Variants in GNPDA2 observed in about 807,000 individuals in gnomAD.
GNPDA2 encodes glcN6P deaminase 2.
GNPDA2 carries 24 observed loss-of-function variants against 27.0 expected under a neutral mutation model. That is an observed-to-expected ratio of 0.89 (90% CI 0.64 to 1.25). The LOEUF is 1.25. GNPDA2 is among the 50% of genes most tolerant of loss of function. The probability of loss-of-function intolerance (pLI) is 0.00; values close to 1 mark genes in which losing one functional copy is unlikely to be tolerated. For synonymous variants in GNPDA2, 94 were observed against 108.4 expected (o/e 0.87, Z 0.83); for missense variants, 286 against 335.1 (o/e 0.85, Z 1.14).
chr4:44,707,480 A>G (rs1716677615), intron 6 of GNPDA2: 2 of 437,160 alleles, frequency 4.6e-6, no homozygotes, highest in Non-Finnish European at 4.0e-6. Flanking sequence ...TGTATATTCA[A>G]TATGAAAGTA....
Position 44,702,973 on chromosome 4 carries a change from CA to C in GNPDA2, c.*107del. 6.5e-7 allele frequency: 1 copy of C among 1,547,204 alleles called. No individual in the cohort carries two copies. Among genetic ancestry groups the C allele is most frequent in the Non-Finnish European group, 8.7e-7 (1 of 1,155,886 alleles). On this transcript the variant is annotated 3_prime_UTR_variant, in exon 7 of 7. Coordinates refer to ENST00000295448, the MANE Select transcript of GNPDA2 (RefSeq NM_138335.3). ...CATAGAGACTCGAATGAAAAAATGA[CA>C]ATCTTCAAAATTCCCCATGTTTTGT...
intron 5 of GNPDA2, 31 bp downstream of exon 5, chr4:44,710,917 TGAAAA>T (rs1179371246): frequency 2.6e-5 from 38 of 1,458,298 alleles, no homozygotes; most frequent in Non-Finnish European, 3.4e-5. Flanking sequence ...TATATTAACA[TGAAAA>T]GAAAGACAGC....
intron 2 of GNPDA2, 37 bp downstream of exon 2, chr4:44,722,044 GATA>G: frequency 1.4e-6 from 2 of 1,413,268 alleles, no homozygotes; most frequent in Non-Finnish European, 2.0e-6. Context: ...ATTAAATTTA[GATA>G]ATATCAGAAT....
At position 44,707,866 on chromosome 4, in the gene GNPDA2, C is replaced by T; in HGVS notation, c.655G>A (p.Gly219Arg). 1 of 1,613,180 alleles carries T rather than the reference C, an allele frequency of 6.2e-7. No individual in the cohort carries two copies. Among genetic ancestry groups the T allele is most frequent in the Non-Finnish European group, 8.5e-7 (1 of 1,179,386 alleles). ...AFALYKAIEE[G>R]VNHMWTVSAF... The stretch of plus-strand genomic sequence containing the variant: ...GAAACAGTCCACATGTGATTGACTC[C>T]TTCTTCTATTGCTTTGTACAGGGCA... The change falls in exon 6 of 7, where the codon GGA becomes AGA. Residue 219 changes from glycine (G) to arginine (R), a missense_variant. Transcript: ENST00000295448.
chr4:44,706,227 T>C (rs1478901437), intron 6 of GNPDA2: 1 of 151,828 alleles, frequency 6.6e-6, no homozygotes, highest in East Asian at 1.9e-4. Flanking sequence ...TTTTTCAGTT[T>C]TTCAGTTTTT....
In GNPDA2 at chr4:44,702,267, C is replaced by A. The variant is rs1354341976; in HGVS notation, c.*814G>T. 4 of 613,072 alleles carry A rather than the reference C, an allele frequency of 6.5e-6. No individual in the cohort carries two copies. The highest frequency in any genetic ancestry group is 2.0e-5 in the African/African-American group (1 of 50,038). The allele number at this position is 613,072 out of a possible 1,614,324, so 38.0% of individuals were successfully genotyped here. ...CCTTTTATATATACTTCGTATTATT[C>A]TTTTAGACATTTTATAAGGAATAAA... On this transcript the variant is annotated 3_prime_UTR_variant, in exon 7 of 7. Coordinates refer to ENST00000295448, the MANE Select transcript of GNPDA2 (RefSeq NM_138335.3).
chr4:44,708,901 AC>A lies in GNPDA2; in HGVS notation c.595-976del, dbSNP rs1716789493. On this transcript the variant is annotated intron_variant, in intron 5 of 6. Coordinates refer to ENST00000295448, the MANE Select transcript of GNPDA2 (RefSeq NM_138335.3). ...CTCAAAACACCACCATGAGAGAAATACTATTCTTACTCATATTTTAAAGATA... is the reference window on the plus strand; with the variant it reads ...CTCAAAACACCACCATGAGAGAAATATATTCTTACTCATATTTTAAAGATA... 2.0e-5 allele frequency among the ~76,000 whole-genome samples: 3 copies of A among 152,110 alleles called. No individual in the cohort carries two copies. In the South Asian group the frequency reaches 6.2e-4, roughly 31 times the overall value.
rs1416050547 is a variant in GNPDA2 at position 44,702,296 on chromosome 4, AATTGTAT to A, written c.*778_*784del. 1 of 644,662 alleles carries A rather than the reference AATTGTAT, an allele frequency of 1.6e-6. No homozygotes were observed. The highest frequency in any genetic ancestry group is 1.9e-6 in the Non-Finnish European group (1 of 518,640). 39.9% of individuals were successfully genotyped at this position (644,662 alleles called of 1,614,324 possible). ...TAGACATTTTATAAGGAATAAAGCT[AATTGTAT>A]ATTAAGTTTAACAATAATCAGAAAA... On this transcript the variant is annotated 3_prime_UTR_variant, in exon 7 of 7. Coordinates refer to ENST00000295448, the MANE Select transcript of GNPDA2 (RefSeq NM_138335.3).
chr4:44,707,693 A>T, intron 6 of GNPDA2, 59 bp downstream of exon 6: 1 of 1,444,168 alleles, frequency 6.9e-7, no homozygotes, highest in Non-Finnish European at 9.6e-7. Context: ...AGTCACAGTA[A>T]GTTTTAATTG....
At chr4:44,708,661 T>A (rs1053736564) in intron 5 of GNPDA2, among the ~76,000 whole-genome samples, 1 of 152,132 alleles carries the variant, frequency 6.6e-6, no homozygotes. Context: ...TTCTTTATCA[T>A]GTTTAAGCTG....
intron 4 of GNPDA2, among the ~76,000 whole-genome samples, chr4:44,716,474 T>A (rs1717294338): frequency 6.6e-6 from 1 of 151,174 alleles, no homozygotes; most frequent in Non-Finnish European, 1.5e-5. Flanking sequence ...AAAACCACGT[T>A]GTCATTACAA....
In GNPDA2 at chr4:44,717,301, G is replaced by C. The variant is rs1717365992; in HGVS notation, c.227-6C>G. On this transcript the variant is annotated splice_region_variant and splice_polypyrimidine_tract_variant and intron_variant, in intron 3 of 6. Transcript: ENST00000295448. ...AGGATGATTTCTTGGAAGTCCTAAAGATGAAGTTAATAAAAATATAAGTAT... is the reference window on the plus strand; with the variant it reads ...AGGATGATTTCTTGGAAGTCCTAAACATGAAGTTAATAAAAATATAAGTAT... The C allele has an allele frequency of 7.0e-7, 1 of 1,421,512 alleles. No individual in the cohort carries two copies. Among genetic ancestry groups the C allele is most frequent in the African/African-American group, 1.5e-5 (1 of 68,586 alleles). The allele number at this position is 1,421,512 out of a possible 1,614,324, so 88.1% of individuals were successfully genotyped here.
At chr4:44,708,176 CT>C (rs1353756244) in intron 5 of GNPDA2, among the ~76,000 whole-genome samples, 10 of 152,038 alleles carry the variant, frequency 6.6e-5, no homozygotes, top group African/African-American at 2.2e-4. Flanking sequence ...ATACCTGTAA[CT>C]TTTAACATAG....
chr4:44,704,809 C>A (rs1028500227), intron 6 of GNPDA2: 1 of 982,778 alleles, frequency 1.0e-6, no homozygotes, highest in African/African-American at 1.7e-5. Flanking sequence ...AAAATGAACT[C>A]ATTCTACCTT....
In GNPDA2 at chr4:44,703,146, A is replaced by G. The variant is rs774731877; in HGVS notation, c.770-4T>C. The G allele has an allele frequency of 3.1e-6, 5 of 1,606,306 alleles. No individual in the cohort carries two copies. Among genetic ancestry groups the G allele is most frequent in the Non-Finnish European group, 3.4e-6 (4 of 1,177,674 alleles). On this transcript the variant is annotated splice_polypyrimidine_tract_variant and splice_region_variant and intron_variant, in intron 6 of 6. Coordinates refer to ENST00000295448, the MANE Select transcript of GNPDA2 (RefSeq NM_138335.3). ...TTATTGTGCACATGCATTAGACCTT[A>G]AAGAAAAAAAGCACAGTTCTAGTTG...
At chr4:44,708,811 ATATTT>A (rs1716782974) in intron 5 of GNPDA2, among the ~76,000 whole-genome samples, 1 of 152,262 alleles carries the variant, frequency 6.6e-6, no homozygotes, top group African/African-American at 2.4e-5. Flanking sequence ...TTTGTATTAC[ATATTT>A]TATAACTAGA....
rs1405551884 is a variant in GNPDA2 at position 44,714,195 on chromosome 4, G to A, written c.409+2918C>T. 1.9e-5 allele frequency: 9 copies of A among 479,516 alleles called. No individual in the cohort carries two copies. In the East Asian group the frequency reaches 9.2e-4, roughly 49 times the overall value. The allele number at this position is 479,516 out of a possible 1,614,324, so 29.7% of individuals were successfully genotyped here. A position where few individuals can be genotyped will look rare whatever the true frequency, so the allele number is the denominator to read the frequency against. The stretch of plus-strand genomic sequence containing the variant: ...TCTCCATGTTGGTCAGGCTGGTGTC[G>A]AACTCCCAACCTCAGGTGATCTGCG... On this transcript the variant is annotated intron_variant, in intron 4 of 6. Transcript: ENST00000295448.
chr4:44,722,553 G>A lies in GNPDA2; in HGVS notation c.-35-311C>T, dbSNP rs115661688. 2.3e-3 allele frequency among the ~76,000 whole-genome samples: 353 copies of A among 152,222 alleles called. 1 individual carries two copies. The highest frequency in any genetic ancestry group is 8.1e-3 in the African/African-American group (338 of 41,546). On this transcript the variant is annotated intron_variant, in intron 1 of 6. Transcript: ENST00000295448. ...CTGAAAATATTTAGGGGAAAAAGATGTTTGCATCTGTATTAAACAGGTACA... is the reference window on the plus strand; with the variant it reads ...CTGAAAATATTTAGGGGAAAAAGATATTTGCATCTGTATTAAACAGGTACA...
At chr4:44,723,662 C>T (rs1717823477) in intron 1 of GNPDA2, among the ~76,000 whole-genome samples, 1 of 152,064 alleles carries the variant, frequency 6.6e-6, no homozygotes, top group African/African-American at 2.4e-5. Flanking sequence ...CTTATCTTTG[C>T]TACTGTTGTT....
Sources: allele counts gnomAD v4.1 joint callset (sites outside exome capture counted in the v4.1 genomes callset), GRCh38; gene constraint gnomAD v4.1.1; transcripts MANE v1.5; gene names NCBI Gene and HGNC (gene_info 2026-07-23, HGNC 2026-07-21).